The following STK3 variants were observed in gnomAD, a reference collection of about 807,000 sequenced individuals.
STK3 encodes the protein serine/threonine-protein kinase 3.
Under a neutral mutation model 58.0 loss-of-function variants are expected in STK3, and 41 were observed. The ratio of observed to expected loss-of-function variants is 0.71; its 90% CI spans 0.55 to 0.92. The LOEUF (loss-of-function observed/expected upper bound fraction) is 0.92. Ranked by LOEUF, STK3 falls within the 40% of genes least tolerant of loss-of-function variation. The pLI is 0.00. For missense variants in STK3, 479 were observed against 602.7 expected, an observed-to-expected ratio of 0.79 and a Z score of 2.15; for synonymous variants, 170 against 191.0, an observed-to-expected ratio of 0.89 and a Z score of 0.91.
rs1291509318 is a variant in STK3, at chr8:98,902,449, T to C, written c.-78-18615A>G. On this transcript the variant is annotated intron_variant, in intron 1 of 1. Transcript: ENST00000519420. ...GTCCCTTCATTCAGTGCTACTCTCC[T>C]AGTAAATCTCAGCGATTCCTATCTG... is the stretch of plus-strand genomic sequence containing the variant. 2.0e-5 allele frequency among the ~76,000 whole-genome samples: 3 copies of C among 152,204 alleles called. No homozygotes were observed. In the East Asian group the frequency reaches 5.8e-4, roughly 29 times the overall value.
the STK3 span, among the ~76,000 whole-genome samples, chr8:98,363,724 C>A: frequency 6.6e-6 from 1 of 152,208 alleles, no homozygotes; most frequent in South Asian, 2.1e-4. Context: ...GTGACATTCA[C>A]CTCTTTGAGA....
intron 4 of STK3, among the ~76,000 whole-genome samples, chr8:98,742,348 A>C (rs1227894556): frequency 3.4e-5 from 5 of 145,150 alleles, no homozygotes; most frequent in South Asian, 2.2e-4. Flanking sequence ...TACTGGCAAA[A>C]CGAATCCAGC....
At chr8:98,660,054 A>C (rs1211927239) in intron 6 of STK3, among the ~76,000 whole-genome samples, 1 of 152,008 alleles carries the variant, frequency 6.6e-6, no homozygotes, top group Non-Finnish European at 1.5e-5. Context: ...GATAAACAAA[A>C]CGTGGTATAA....
At chr8:98,599,044 A>G (rs747549268) in intron 6 of STK3, 17 of 290,282 alleles carry the variant, frequency 5.9e-5, no homozygotes, top group Non-Finnish European at 8.7e-5. Flanking sequence ...GAGTCAACAC[A>G]TGTCTGACTC....
intron 3 of STK3, among the ~76,000 whole-genome samples, chr8:98,411,974 G>C (rs1167584617): frequency 2.0e-5 from 3 of 152,120 alleles, no homozygotes; most frequent in African/African-American, 7.2e-5. Flanking sequence ...CCTTGGGCTT[G>C]ATTAGCCACA....
chr8:98,487,624 G>A (rs913789838), intron 10 of STK3, among the ~76,000 whole-genome samples: 2 of 152,128 alleles, frequency 1.3e-5, no homozygotes, highest in African/African-American at 4.8e-5. Context: ...TATAAAATGT[G>A]TTTTCTAACA....
chr8:98,843,179 A>T (rs555711639), intron 3 of STK3, among the ~76,000 whole-genome samples: 68 of 152,258 alleles, frequency 4.5e-4, no homozygotes, highest in African/African-American at 1.6e-3. Flanking sequence ...TCAATAAATT[A>T]GGATGAAACA....
At chr8:98,448,940 G>T (rs191966964) in intron 1 of STK3, among the ~76,000 whole-genome samples, 1 of 152,032 alleles carries the variant, frequency 6.6e-6, no homozygotes, top group Non-Finnish European at 1.5e-5. Flanking sequence ...AAAATACAGA[G>T]AGGTAGATTT....
chr8:98,646,213 C>T (rs767542646), intron 6 of STK3, among the ~76,000 whole-genome samples: 2 of 152,116 alleles, frequency 1.3e-5, no homozygotes, highest in Non-Finnish European at 2.9e-5. Flanking sequence ...GCTAGTGTTA[C>T]CTCCTTTCCT....
At chr8:98,499,903 A>G (rs1207898678) in intron 10 of STK3, among the ~76,000 whole-genome samples, 1 of 152,098 alleles carries the variant, frequency 6.6e-6, no homozygotes, top group African/African-American at 2.4e-5. Context: ...AGATACTGGG[A>G]TGGGGTGAAT....
chr8:98,660,997 A>G (rs1395872636), intron 6 of STK3, among the ~76,000 whole-genome samples: 1 of 152,114 alleles, frequency 6.6e-6, no homozygotes, highest in Non-Finnish European at 1.5e-5. Flanking sequence ...AAAGGACACT[A>G]GATACTAACT....
chr8:98,859,694 A>G (rs1390197060), intron 3 of STK3, among the ~76,000 whole-genome samples: 1 of 152,222 alleles, frequency 6.6e-6, no homozygotes, highest in Non-Finnish European at 1.5e-5. Context: ...CATCCAGGGC[A>G]TGCTTTTCTA....
chr8:98,523,302 T>C (rs551754385), intron 10 of STK3, among the ~76,000 whole-genome samples: 2 of 152,330 alleles, frequency 1.3e-5, no homozygotes, highest in South Asian at 4.1e-4. Context: ...TTAATGATAA[T>C]TATTGAATCT....
intron 8 of STK3, among the ~76,000 whole-genome samples, chr8:98,578,591 C>T (rs1278513741): frequency 6.6e-6 from 1 of 152,100 alleles, no homozygotes. Context: ...ACTGGATAAC[C>T]AGTCTCTGAA....
chr8:98,551,803 A>G (rs1163282261), intron 8 of STK3, among the ~76,000 whole-genome samples: 4 of 152,148 alleles, frequency 2.6e-5, no homozygotes, highest in East Asian at 1.9e-4. Flanking sequence ...TTCTAAAATA[A>G]ATGTTACTTT....
rs6150725 is a variant in STK3 at position 98,407,714 on chromosome 8, ATGTGTGTGTGTGTGTGTGTG to A, written n.484-6221_484-6202del. On this transcript the variant is annotated intron_variant and non_coding_transcript_variant, in intron 3 of 3. Transcript: ENST00000517832. ...CCTTCTAGCCCACTCAGATGAGTGC[ATGTGTGTGTGTGTGTGTGTG>A]TGTGTGTGTGTGTGTGTGTGTGTGC... is the stretch of plus-strand genomic sequence containing the variant. 5.8e-5 allele frequency among the ~76,000 whole-genome samples: 8 copies of A among 137,110 alleles called. No homozygotes were observed. In the East Asian group the frequency reaches 6.4e-4, roughly 11 times the overall value. 89.9% of individuals were successfully genotyped at this position (137,110 alleles called of 152,430 possible). A position where few individuals can be genotyped will look rare whatever the true frequency, so the allele number is the denominator to read the frequency against.
At chr8:98,675,840 G>A (rs951196180) in intron 6 of STK3, among the ~76,000 whole-genome samples, 1 of 151,692 alleles carries the variant, frequency 6.6e-6, no homozygotes, top group Non-Finnish European at 1.5e-5. Flanking sequence ...TTCCAGCTTG[G>A]GTGACAGAGC....
intron 2 of STK3, among the ~76,000 whole-genome samples, chr8:98,773,156 T>C (rs1211851078): frequency 1.3e-5 from 2 of 152,134 alleles, no homozygotes; most frequent in African/African-American, 4.8e-5. Context: ...TTCATCATAA[T>C]GTTTAATCCC....
chr8:98,804,721 T>G (rs1160481745), intron 1 of STK3, among the ~76,000 whole-genome samples: 1 of 152,252 alleles, frequency 6.6e-6, no homozygotes, highest in Non-Finnish European at 1.5e-5. Context: ...ATACAATGTA[T>G]GCACTCAAGA....
Sources: gnomAD v4.1 joint callset for allele counts (sites outside exome capture counted in the v4.1 genomes callset) on GRCh38, gnomAD v4.1.1 for gene constraint, MANE v1.5 for transcripts, NCBI Gene and HGNC (gene_info 2026-07-23, HGNC 2026-07-21) for gene names.